Variants in GATAD2B observed in about 807,000 individuals in gnomAD.
GATAD2B encodes transcriptional repressor p66-beta.
In GATAD2B, 8 loss-of-function variants were observed where a neutral mutation model predicts 64.3. The ratio of observed to expected loss-of-function variants is 0.12; its 90% confidence interval spans 0.07 to 0.22. The LOEUF (loss-of-function observed/expected upper bound fraction) is 0.22. GATAD2B is among the 10% of genes least tolerant of loss of function. GATAD2B has a pLI of 1.00. For synonymous variants in GATAD2B, 281 were observed against 271.3 expected (o/e 1.04, Z -0.35); for missense variants, 453 against 752.0 (o/e 0.60, Z 4.65).
At chr1:153,834,591 T>C (rs1296943281) in intron 1 of GATAD2B, among the ~76,000 whole-genome samples, 2 of 151,842 alleles carry the variant, frequency 1.3e-5, no homozygotes, top group East Asian at 2.0e-4. Flanking sequence ...GGTTTCTCCA[T>C]GTTGGTCAGG....
intron 1 of GATAD2B, among the ~76,000 whole-genome samples, chr1:153,909,496 G>A (rs1008047498): frequency 1.3e-5 from 2 of 151,134 alleles, no homozygotes; most frequent in Non-Finnish European, 3.0e-5. Flanking sequence ...CACCATGCCC[G>A]GCCACATTAA....
chr1:153,838,764 G>A (rs1675365788), intron 1 of GATAD2B, among the ~76,000 whole-genome samples: 1 of 152,134 alleles, frequency 6.6e-6, no homozygotes, highest in South Asian at 2.1e-4. Flanking sequence ...TTCAGCTTTT[G>A]CCTTTGGGTG....
At chr1:153,904,497 T>G (rs780016613) in intron 1 of GATAD2B, among the ~76,000 whole-genome samples, 1 of 152,048 alleles carries the variant, frequency 6.6e-6, no homozygotes, top group Admixed American at 6.6e-5. Context: ...CATAACAAAA[T>G]GATTCATTTA....
chr1:153,909,992 G>A (rs1456246995), intron 1 of GATAD2B, among the ~76,000 whole-genome samples: 1 of 151,110 alleles, frequency 6.6e-6, no homozygotes, highest in East Asian at 1.9e-4. Context: ...GCGCATGCCT[G>A]TAGTTCCAGC....
chr1:153,903,958 T>C (rs1196049200), intron 1 of GATAD2B, among the ~76,000 whole-genome samples: 2 of 151,968 alleles, frequency 1.3e-5, no homozygotes, highest in African/African-American at 2.4e-5. Flanking sequence ...CACTCCAGCG[T>C]TGGCAACAGC....
chr1:153,838,136 T>C (rs1306247144), intron 1 of GATAD2B, among the ~76,000 whole-genome samples: 1 of 152,226 alleles, frequency 6.6e-6, no homozygotes, highest in African/African-American at 2.4e-5. Context: ...AACACAGGTC[T>C]AGCTCATTTC....
intron 1 of GATAD2B, among the ~76,000 whole-genome samples, chr1:153,902,188 G>C (rs915265158): frequency 2.0e-5 from 3 of 152,124 alleles, no homozygotes; most frequent in African/African-American, 7.2e-5. Context: ...GGCTGAGGCA[G>C]GAGAATCACT....
rs149206013 is a variant in GATAD2B, at chr1:153,833,552, C to T, written c.-1-5204G>A. ...AAATATTGCTGGGCATGGGGGCTCACGCCTGTAATCCCAGCACTTTGGGAA... is the reference window on the plus strand; with the variant it reads ...AAATATTGCTGGGCATGGGGGCTCATGCCTGTAATCCCAGCACTTTGGGAA... On this transcript the variant is annotated intron_variant, in intron 1 of 10. Coordinates refer to ENST00000368655, the MANE Select transcript of GATAD2B (RefSeq NM_020699.4). Among the ~76,000 whole-genome samples the T allele has an allele frequency of 8.3e-3, 1,264 of 152,216 alleles. 8 individuals are homozygous for T. Among genetic ancestry groups the T allele is most frequent in the Non-Finnish European group, 0.014 (954 of 68,010 alleles).
Position 153,828,078 on chromosome 1 carries a change from C to G in GATAD2B, c.270G>C (p.Arg90Ser). 6.2e-7 allele frequency: 1 copy of G among 1,614,146 alleles called. No homozygotes were observed. Residue 90 changes from arginine to serine, a missense_variant, in exon 2 of 11, where the codon AGG becomes AGC. Physicochemically the swap from Arg to Ser is moderately radical, Grantham distance 110. Around this residue, in one of 2 missense-constraint regions of GATAD2B, gnomAD observed 293 missense variants for 417.2 expected, o/e 0.70. Transcript: ENST00000368655. The part of the protein sequence containing the change: ...NGNLRPHGDN[R>S]TAGRPGKENI... The stretch of plus-strand genomic sequence containing the variant: ...TTTCTTTGCCTGGCCTTCCAGCAGT[C>G]CTGTTGTCTCCATGAGGCCTGAGAT...
intron 1 of GATAD2B, among the ~76,000 whole-genome samples, chr1:153,902,262 C>G (rs868239938): frequency 6.7e-6 from 1 of 150,296 alleles, no homozygotes; most frequent in Non-Finnish European, 1.5e-5. Flanking sequence ...GCCTGGGCAA[C>G]AAGAGCGAAA....
intron 2 of GATAD2B, among the ~76,000 whole-genome samples, chr1:153,820,296 CAA>C (rs1446584686): frequency 6.6e-6 from 1 of 152,068 alleles, no homozygotes; most frequent in African/African-American, 2.4e-5. Flanking sequence ...CATCTTACCT[CAA>C]AAAGAGTCTA....
intron 4 of GATAD2B, among the ~76,000 whole-genome samples, chr1:153,818,415 C>A (rs1423131641): frequency 6.6e-6 from 1 of 150,912 alleles, no homozygotes; most frequent in Non-Finnish European, 1.5e-5. Flanking sequence ...CCCGGGTTCA[C>A]GCCATTCTCC....
At chr1:153,847,572 C>G (rs1054481555) in intron 1 of GATAD2B, among the ~76,000 whole-genome samples, 1 of 152,242 alleles carries the variant, frequency 6.6e-6, no homozygotes, top group Admixed American at 6.5e-5. Flanking sequence ...TCACAGTAAT[C>G]TATTTGGCTG....
At chr1:153,852,986 C>T in intron 1 of GATAD2B, 1 of 1,017,014 alleles carries the variant, frequency 9.8e-7, no homozygotes, top group Non-Finnish European at 1.6e-6. Flanking sequence ...TCCACAGTGC[C>T]AGTCACTACC....
intron 2 of GATAD2B, among the ~76,000 whole-genome samples, chr1:153,820,123 TCTATC>T (rs1674627340): frequency 6.7e-6 from 1 of 148,588 alleles, no homozygotes; most frequent in African/African-American, 2.5e-5. Context: ...AAAAGAATAG[TCTATC>T]CTGTCAAGAG....
chr1:153,859,045 T>C (rs1676182834), intron 1 of GATAD2B, among the ~76,000 whole-genome samples: 1 of 151,960 alleles, frequency 6.6e-6, no homozygotes, highest in Non-Finnish European at 1.5e-5. Flanking sequence ...AGTAAAAAGG[T>C]ACAGATGAAG....
chr1:153,827,361 G>T (rs1674920945), intron 2 of GATAD2B, among the ~76,000 whole-genome samples: 1 of 151,830 alleles, frequency 6.6e-6, no homozygotes, highest in Non-Finnish European at 1.5e-5. Flanking sequence ...CCATTGGCCA[G>T]TTCCAGGTAC....
At chr1:153,915,117 G>A (rs1016834564) in intron 1 of GATAD2B, among the ~76,000 whole-genome samples, 3 of 152,080 alleles carry the variant, frequency 2.0e-5, no homozygotes, top group African/African-American at 7.2e-5. Flanking sequence ...CAGCTACTCA[G>A]GAAGCTGAGG....
chr1:153,850,216 ATT>A (rs1030707038), intron 1 of GATAD2B, among the ~76,000 whole-genome samples: 1 of 152,056 alleles, frequency 6.6e-6, no homozygotes, highest in African/African-American at 2.4e-5. Context: ...GTCCTGAATA[ATT>A]TTTTTATATT....
Sources: allele counts gnomAD v4.1 joint callset (sites outside exome capture counted in the v4.1 genomes callset), GRCh38; gene constraint gnomAD v4.1.1; regional missense constraint gnomAD v4.1.1; transcripts MANE v1.5; gene names NCBI Gene and HGNC (gene_info 2026-07-23, HGNC 2026-07-21).